Variants in TMEM108 observed in about 807,000 individuals in gnomAD.
TMEM108 encodes the protein transmembrane protein 108, also known as cancer/testis antigen 124.
In TMEM108, 12 loss-of-function variants were observed where a neutral mutation model predicts 35.1. That is an observed-to-expected ratio of 0.34 (90% CI 0.22 to 0.55). TMEM108 has a LOEUF of 0.55. TMEM108 is among the 20% of genes least tolerant of loss of function. The probability of loss-of-function intolerance (pLI) is 0.89; values close to 1 mark genes in which losing one functional copy is unlikely to be tolerated. For synonymous variants in TMEM108, 287 were observed against 308.6 expected, an observed-to-expected ratio of 0.93 and a Z score of 0.73; for missense variants, 680 against 753.3, an observed-to-expected ratio of 0.90 and a Z score of 1.14.
intron 2 of TMEM108, among the ~76,000 whole-genome samples, chr3:133,155,598 A>G (rs1944868903): frequency 6.6e-6 from 1 of 152,112 alleles, no homozygotes; most frequent in Non-Finnish European, 1.5e-5. Context: ...GCATTTCTCT[A>G]ATGATCAGTG....
At chr3:133,134,977 A>C (rs1944544230) in intron 2 of TMEM108, among the ~76,000 whole-genome samples, 1 of 152,162 alleles carries the variant, frequency 6.6e-6, no homozygotes, top group South Asian at 2.1e-4. Context: ...CTTTAAAAAA[A>C]AAATCTCTAT....
At chr3:133,365,810 C>G (rs540998631) in intron 3 of TMEM108, among the ~76,000 whole-genome samples, 41 of 152,266 alleles carry the variant, frequency 2.7e-4, no homozygotes, top group African/African-American at 9.1e-4. Context: ...CCCTAGAGAG[C>G]CTGCCTCTCC....
intron 3 of TMEM108, among the ~76,000 whole-genome samples, chr3:133,284,245 ACACTACCTTCAGTCTCT>A (rs1349763009): frequency 6.6e-6 from 1 of 152,182 alleles, no homozygotes; most frequent in East Asian, 1.9e-4. Context: ...TCAGCTCTTG[ACACTACCTTCAGTCTCT>A]GTCAGAGAGG....
intron 2 of TMEM108, among the ~76,000 whole-genome samples, chr3:133,063,765 C>CGCTGGACT (rs1943563186): frequency 6.6e-6 from 1 of 152,048 alleles, no homozygotes; most frequent in Non-Finnish European, 1.5e-5. Flanking sequence ...TTGGGTCTCC[C>CGCTGGACT]GCTGGACTCC....
At chr3:133,105,835 G>A (rs1179587513) in intron 2 of TMEM108, among the ~76,000 whole-genome samples, 1 of 152,176 alleles carries the variant, frequency 6.6e-6, no homozygotes, top group Non-Finnish European at 1.5e-5. Flanking sequence ...GCCTGAAGAT[G>A]CTTTGGATAT....
Position 133,375,030 on chromosome 3 carries a change from T to G in TMEM108, c.41-4722T>G, listed in dbSNP as rs546288266. 3.3e-5 allele frequency among the ~76,000 whole-genome samples: 5 copies of G among 152,360 alleles called. No homozygotes were observed. The East Asian group carries it at 7.7e-4, about 23-fold the overall frequency. The stretch of plus-strand genomic sequence containing the variant: ...GCAAGTTCCTGTACCTCTCTGTGCT[T>G]CTTTTCCTCAATTGCAACAGGGAGC... On this transcript the variant is annotated intron_variant, in intron 3 of 5. Transcript: ENST00000321871.
rs2107802630 is a variant in TMEM108 at position 133,365,696 on chromosome 3, T to G, written c.41-14056T>G. Among the ~76,000 whole-genome samples the G allele has an allele frequency of 2.0e-5, 3 of 152,296 alleles. No individual in the cohort carries two copies. The East Asian group carries it at 5.8e-4, about 29-fold the overall frequency. On this transcript the variant is annotated intron_variant, in intron 3 of 5. Transcript: ENST00000321871. ...CTGGAGATAAGAGCCTTTCAGGGGATGCACTTAAGCTTTCATCTTGGTCTT... is the reference window on the plus strand; with the variant it reads ...CTGGAGATAAGAGCCTTTCAGGGGAGGCACTTAAGCTTTCATCTTGGTCTT...
At chr3:133,049,606 C>G (rs144113188) in intron 2 of TMEM108, among the ~76,000 whole-genome samples, 2 of 152,270 alleles carry the variant, frequency 1.3e-5, no homozygotes, top group African/African-American at 4.8e-5. Context: ...TTACCTTGCT[C>G]TGGTATCTGT....
chr3:133,263,623 G>A (rs1281896070), intron 3 of TMEM108, among the ~76,000 whole-genome samples: 1 of 152,122 alleles, frequency 6.6e-6, no homozygotes, highest in African/African-American at 2.4e-5. Flanking sequence ...GTCAACCCCA[G>A]GAAGGACAGA....
chr3:133,077,199 A>G (rs9865814), intron 2 of TMEM108, among the ~76,000 whole-genome samples: 96,515 of 152,086 alleles, frequency 0.63, 31,235 homozygotes, highest in African/African-American at 0.76. Flanking sequence ...CGGTGAGCAG[A>G]GGAGGCAGCC....
At position 133,146,467 on chromosome 3, in the gene TMEM108, T is replaced by G. The variant is rs749691712; in HGVS notation, c.-46-82799T>G. The stretch of plus-strand genomic sequence containing the variant: ...CCGACAGGTTTTGGTATCAGGATGA[T>G]GCTGGACTCTTAAAATGAGTTAGGG... On this transcript the variant is annotated intron_variant, in intron 2 of 5. Coordinates refer to ENST00000321871, the MANE Select transcript of TMEM108 (RefSeq NM_023943.4). 3.9e-5 allele frequency among the ~76,000 whole-genome samples: 6 copies of G among 152,358 alleles called. No homozygotes were observed. The East Asian group carries it at 9.6e-4, about 24-fold the overall frequency.
intron 3 of TMEM108, among the ~76,000 whole-genome samples, chr3:133,360,007 TAAAAAAA>T (rs59374214): frequency 3.5e-5 from 4 of 112,922 alleles, no homozygotes; most frequent in Admixed American, 9.2e-5. Flanking sequence ...ACTCAACAGT[TAAAAAAA>T]AAAAAAAAAA....
At chr3:133,152,310 G>C (rs1944813868) in intron 2 of TMEM108, among the ~76,000 whole-genome samples, 1 of 152,144 alleles carries the variant, frequency 6.6e-6, no homozygotes, top group Non-Finnish European at 1.5e-5. Flanking sequence ...CTTAGAAGGA[G>C]GCAATATCTG....
chr3:133,158,465 TAAA>T (rs11328701), intron 2 of TMEM108, among the ~76,000 whole-genome samples: 9 of 80,618 alleles, frequency 1.1e-4, no homozygotes, highest in South Asian at 4.4e-4. Flanking sequence ...AGACTCTGTC[TAAA>T]AAAAAAAAAA....
At chr3:133,324,866 T>C (rs2071310809) in intron 3 of TMEM108, among the ~76,000 whole-genome samples, 1 of 152,084 alleles carries the variant, frequency 6.6e-6, no homozygotes, top group East Asian at 1.9e-4. Context: ...ATCCCAGCTA[T>C]TCAAGAGTCT....
At chr3:133,106,821 A>T (rs1289204456) in intron 2 of TMEM108, among the ~76,000 whole-genome samples, 2 of 152,204 alleles carry the variant, frequency 1.3e-5, no homozygotes, top group Non-Finnish European at 2.9e-5. Context: ...AGGCAACAAC[A>T]TGACTATACC....
intron 2 of TMEM108, among the ~76,000 whole-genome samples, chr3:133,174,760 A>G (rs144739051): frequency 1.1e-4 from 17 of 152,200 alleles, no homozygotes; most frequent in Non-Finnish European, 1.5e-5. Flanking sequence ...AACTCTGAAA[A>G]TCAGAGCGCT....
chr3:133,103,254 T>TA (rs1944110520), intron 2 of TMEM108, among the ~76,000 whole-genome samples: 1 of 152,224 alleles, frequency 6.6e-6, no homozygotes. Flanking sequence ...TATGCAGCCA[T>TA]AAAAAAGAAT....
intron 3 of TMEM108, among the ~76,000 whole-genome samples, chr3:133,368,971 C>T (rs1412233554): frequency 1.3e-5 from 2 of 152,184 alleles, no homozygotes; most frequent in African/African-American, 2.4e-5. Context: ...GCTTTCCAAG[C>T]ATCTTAATCG....
Sources: allele counts gnomAD v4.1 joint callset (sites outside exome capture counted in the v4.1 genomes callset), GRCh38; gene constraint gnomAD v4.1.1; transcripts MANE v1.5; gene names NCBI Gene and HGNC (gene_info 2026-07-23, HGNC 2026-07-21).